Variants in PTPRN2 observed in about 807,000 individuals in gnomAD.
PTPRN2 encodes the protein receptor-type tyrosine-protein phosphatase N2.
Under a neutral mutation model 118.8 loss-of-function variants are expected in PTPRN2, and 74 were observed. The ratio of observed to expected loss-of-function variants is 0.62; its 90% CI spans 0.52 to 0.76. The LOEUF is 0.76. Among genes scored for constraint, PTPRN2 ranks in the 30% least tolerant of loss-of-function variants. The probability of loss-of-function intolerance (pLI) is 0.00; values close to 1 mark genes in which losing one functional copy is unlikely to be tolerated. For missense variants in PTPRN2, 1,481 were observed against 1,394.4 expected (o/e 1.06, Z -0.99); for synonymous variants, 641 against 608.0 (o/e 1.05, Z -0.80).
intron 5 of PTPRN2, among the ~76,000 whole-genome samples, chr7:158,179,884 C>T (rs900205952): frequency 1.3e-5 from 2 of 152,228 alleles, no homozygotes; most frequent in African/African-American, 4.8e-5. Flanking sequence ...GTTACTACCC[C>T]TTCCCTAGAT....
intron 3 of PTPRN2, among the ~76,000 whole-genome samples, chr7:158,240,427 TTTTG>T (rs1795842756): frequency 6.6e-6 from 1 of 151,958 alleles, no homozygotes. Context: ...TGGGCTTTTG[TTTTG>T]TTTTTGTTTT....
chr7:158,340,706 C>A (rs1299569402), intron 2 of PTPRN2, among the ~76,000 whole-genome samples: 17 of 78,418 alleles, frequency 2.2e-4, no homozygotes, highest in African/African-American at 6.1e-4. Context: ...AACCTGCAGA[C>A]GTCACTCACA....
intron 2 of PTPRN2, among the ~76,000 whole-genome samples, chr7:158,325,141 C>A (rs1200237117): frequency 7.4e-6 from 1 of 135,426 alleles, no homozygotes; most frequent in Admixed American, 7.5e-5. Flanking sequence ...CCCCACAATT[C>A]TCCACAGAGA....
chr7:158,285,777 A>C, intron 3 of PTPRN2, among the ~76,000 whole-genome samples: 1 of 152,118 alleles, frequency 6.6e-6, no homozygotes, highest in East Asian at 1.9e-4. Context: ...CTCCGGCAAA[A>C]CCTCAGTCCT....
At chr7:158,556,874 C>A in intron 1 of PTPRN2, among the ~76,000 whole-genome samples, 1 of 144,416 alleles carries the variant, frequency 6.9e-6, no homozygotes, top group East Asian at 2.2e-4. Context: ...GCAGGTCAGG[C>A]GGCTCCCGTG....
intron 12 of PTPRN2, among the ~76,000 whole-genome samples, chr7:157,844,736 C>T (rs947662665): frequency 2.0e-5 from 3 of 152,148 alleles, no homozygotes; most frequent in African/African-American, 7.2e-5. Flanking sequence ...GCAACGTACC[C>T]GGCACTGAGT....
intron 11 of PTPRN2, among the ~76,000 whole-genome samples, chr7:157,920,090 A>G (rs1020590126): frequency 1.3e-5 from 2 of 152,318 alleles, no homozygotes; most frequent in African/African-American, 2.4e-5. Flanking sequence ...ATGCTCGCAC[A>G]ACGACGAAAT....
chr7:157,709,577 C>A (rs956487079), intron 12 of PTPRN2, among the ~76,000 whole-genome samples: 2 of 152,236 alleles, frequency 1.3e-5, no homozygotes, highest in Admixed American at 1.3e-4. Flanking sequence ...CCCCCCAGCT[C>A]TGTCTTCTAT....
chr7:158,287,236 A>C (rs1439225617), intron 3 of PTPRN2, among the ~76,000 whole-genome samples: 1 of 151,976 alleles, frequency 6.6e-6, no homozygotes, highest in African/African-American at 2.4e-5. Flanking sequence ...TTCTTAGTCT[A>C]AAGGTTTTCA....
intron 11 of PTPRN2, among the ~76,000 whole-genome samples, chr7:158,076,562 T>C (rs1025514490): frequency 6.6e-6 from 1 of 152,252 alleles, no homozygotes; most frequent in Non-Finnish European, 1.5e-5. Context: ...TCCTTCTTAG[T>C]GGCTGCTGAA....
chr7:158,027,287 G>A (rs1807350515), intron 11 of PTPRN2: 1 of 152,274 alleles, frequency 6.6e-6, no homozygotes, highest in African/African-American at 2.4e-5. Context: ...CCACTCAGAA[G>A]TGGTGGAGGA....
Position 157,822,733 on chromosome 7 carries a change from C to T in PTPRN2, c.1788+75940G>A, listed in dbSNP as rs1156393730. On this transcript the variant is annotated intron_variant, in intron 12 of 22. Transcript: ENST00000389418. ...TATCCACCCATCCACTATCCATCTA[C>T]CCATCCACATATCCCATCATCCATG... 3.3e-5 allele frequency among the ~76,000 whole-genome samples: 5 copies of T among 152,068 alleles called. No homozygotes were observed. The East Asian group carries it at 9.7e-4, about 29-fold the overall frequency.
intron 1 of PTPRN2, among the ~76,000 whole-genome samples, chr7:158,567,919 G>A (rs867498101): frequency 6.6e-5 from 10 of 152,188 alleles, no homozygotes; most frequent in African/African-American, 1.9e-4. Context: ...ACGTGCTAAC[G>A]ACAGTCAGAA....
At chr7:158,306,869 T>G (rs867617008) in intron 3 of PTPRN2, among the ~76,000 whole-genome samples, 48 of 145,046 alleles carry the variant, frequency 3.3e-4, no homozygotes, top group Admixed American at 6.1e-4. Context: ...TTTTTTTTTT[T>G]TTTTTTTTTT....
chr7:157,888,046 G>A (rs4716796), intron 12 of PTPRN2, among the ~76,000 whole-genome samples: 26,893 of 115,924 alleles, frequency 0.23, 2,742 homozygotes, highest in Admixed American at 0.33. Context: ...TCCCTGAAAC[G>A]CACGCTGTCT....
At chr7:157,901,716 C>T (rs79129818) in intron 11 of PTPRN2, among the ~76,000 whole-genome samples, 3,332 of 51,772 alleles carry the variant, frequency 0.064, 179 homozygotes, top group East Asian at 0.24. Context: ...CCTTCCCGTC[C>T]GTGTTTCCTG....
intron 12 of PTPRN2, among the ~76,000 whole-genome samples, chr7:157,887,418 T>TTCCCCCAGTACCCAC (rs1796518674): frequency 2.2e-5 from 1 of 44,468 alleles, no homozygotes; most frequent in Non-Finnish European, 4.1e-5. Flanking sequence ...CAGTACCCAC[T>TTCCCCCAGTACCCAC]TCCCCCAGTA....
At chr7:157,628,594 G>A (rs916810249) in intron 14 of PTPRN2, among the ~76,000 whole-genome samples, 1 of 152,212 alleles carries the variant, frequency 6.6e-6, no homozygotes, top group Non-Finnish European at 1.5e-5. Flanking sequence ...CAGGCCATCT[G>A]ACTGAGCCCC....
chr7:158,443,073 C>G (rs555273360), intron 2 of PTPRN2, among the ~76,000 whole-genome samples: 1 of 149,794 alleles, frequency 6.7e-6, no homozygotes, highest in Non-Finnish European at 1.5e-5. Flanking sequence ...CAAAAAAACA[C>G]CTTTTTTGTT....
Sources: allele counts gnomAD v4.1 joint callset (sites outside exome capture counted in the v4.1 genomes callset), GRCh38; gene constraint gnomAD v4.1.1; transcripts MANE v1.5; gene names NCBI Gene and HGNC (gene_info 2026-07-23, HGNC 2026-07-21).